Variants in UGT2A3 observed in about 807,000 individuals in gnomAD.
The protein encoded by UGT2A3 is UDP glucuronosyltransferase family 2 member A3.
Under a neutral mutation model 44.1 loss-of-function variants are expected in UGT2A3, and 55 were observed. The ratio of observed to expected loss-of-function variants is 1.25; its 90% CI spans 1.00 to 1.56. The LOEUF (loss-of-function observed/expected upper bound fraction) is 1.56. UGT2A3 is among the 40% of genes most tolerant of loss of function. The probability of loss-of-function intolerance (pLI) is 0.00; values close to 1 mark genes in which losing one functional copy is unlikely to be tolerated. For missense variants in UGT2A3, 733 were observed against 621.6 expected, an observed-to-expected ratio of 1.18 and a Z score of -1.91; for synonymous variants, 243 against 215.1, an observed-to-expected ratio of 1.13 and a Z score of -1.13.
Position 68,932,891 on chromosome 4 carries a change from C to G in UGT2A3, c.865-132G>C, listed in dbSNP as rs903093919. ...GTTATATTCTGTCCCTATATGCTGA[C>G]ACACAGAACTATCTAGTCTCTTTAA... is the stretch of plus-strand genomic sequence containing the variant. On this transcript the variant is annotated intron_variant, in intron 2 of 5. Transcript: ENST00000251566. 1.2e-5 allele frequency: 10 copies of G among 867,368 alleles called. No individual in the cohort carries two copies. The African/African-American group carries it at 1.5e-4, about 13-fold the overall frequency. 53.7% of individuals were successfully genotyped at this position (867,368 alleles called of 1,614,324 possible).
At chr4:68,940,834 G>C (rs1232549777) in intron 2 of UGT2A3, among the ~76,000 whole-genome samples, 1 of 148,586 alleles carries the variant, frequency 6.7e-6, no homozygotes, top group East Asian at 2.0e-4. Flanking sequence ...AAACAGTATG[G>C]CAGTGGCATG....
At chr4:68,940,721 G>A (rs1458242) in intron 2 of UGT2A3, among the ~76,000 whole-genome samples, 107,703 of 147,146 alleles carry the variant, frequency 0.73, 40,931 homozygotes, top group Non-Finnish European at 0.86. Flanking sequence ...TTAAAGTATT[G>A]TATATATATA....
rs1398430439 is a variant in UGT2A3, at chr4:68,945,442, G to A, written c.728C>T (p.Thr243Ile). Residue 243 changes from threonine to isoleucine, a missense_variant, in exon 2 of 6, where the codon ACA becomes ATA. Coordinates refer to ENST00000251566, the MANE Select transcript of UGT2A3 (RefSeq NM_024743.4). Reference protein sequence around the residue: ...FYSKALGRPTTLCETVGKAEI... With the variant: ...FYSKALGRPTILCETVGKAEI... ...AGCTTTTCCCACAGTCTCACATAATGTAGTGGGCCTTCCTCAATAAAAGAA... is the reference window on the plus strand; with the variant it reads ...AGCTTTTCCCACAGTCTCACATAATATAGTGGGCCTTCCTCAATAAAAGAA... 4 of 1,604,832 alleles carry A rather than the reference G, an allele frequency of 2.5e-6. No individual in the cohort carries two copies. The highest frequency in any genetic ancestry group is 1.1e-5 in the South Asian group (1 of 90,020).
chr4:68,928,908 C>T lies in UGT2A3; in HGVS notation c.*905G>A, dbSNP rs367894344. The T allele has an allele frequency of 2.0e-5, 3 of 152,090 alleles. No individual in the cohort carries two copies. The highest frequency in any genetic ancestry group is 6.6e-5 in the Admixed American group (1 of 15,254). The allele number at this position is 152,090 out of a possible 1,614,324, so 9.4% of individuals were successfully genotyped here. A position where few individuals can be genotyped will look rare whatever the true frequency, so the allele number is the denominator to read the frequency against. On this transcript the variant is annotated 3_prime_UTR_variant, in exon 6 of 6. Transcript: ENST00000251566. ...CTGATCTTACTTTCAGAACAAGCAT[C>T]TCTTTATTTTTCTACAGTAAATTAT...
Position 68,932,846 on chromosome 4 carries a change from T to G in UGT2A3, c.865-87A>C, listed in dbSNP as rs1241588147. Reference sequence around the variant, plus strand: ...TACTTACACTTCTAAAATAAATACTTGAGAAATTATTAATGTGTAGTTATA... The same window carrying G: ...TACTTACACTTCTAAAATAAATACTGGAGAAATTATTAATGTGTAGTTATA... On this transcript the variant is annotated intron_variant, in intron 2 of 5. Transcript: ENST00000251566. The G allele has an allele frequency of 2.4e-6, 3 of 1,271,416 alleles. No homozygotes were observed. The Admixed American group carries it at 7.2e-5, about 30-fold the overall frequency. 78.8% of individuals were successfully genotyped at this position (1,271,416 alleles called of 1,614,324 possible).
intron 2 of UGT2A3, among the ~76,000 whole-genome samples, chr4:68,936,142 G>C (rs932657409): frequency 6.6e-6 from 1 of 152,106 alleles, no homozygotes; most frequent in Non-Finnish European, 1.5e-5. Flanking sequence ...ACACTCTTCA[G>C]TATATTATCC....
chr4:68,943,167 T>A (rs60931562), intron 2 of UGT2A3: 77,183 of 388,736 alleles, frequency 0.2, 8,190 homozygotes, highest in East Asian at 0.35. Flanking sequence ...CTAACTTTTT[T>A]AAAAATATGA....
Position 68,929,877 on chromosome 4 carries a change from G to A in UGT2A3, c.1520C>T (p.Thr507Ile). The change falls in exon 6 of 6, where the codon ACA becomes ATA. Residue 507 changes from threonine to isoleucine, a missense_variant. Transcript: ENST00000251566. Reference sequence around the variant, plus strand: ...TTGACAGGAAAATAAAAAACATTTTGTGAACAAGAATATAGCAGTTGCCAC... The same window carrying A: ...TTGACAGGAAAATAAAAAACATTTTATGAACAAGAATATAGCAGTTGCCAC... Reference protein sequence around the residue: ...ACVATAIFLFTKCFLFSCQKF... With the variant: ...ACVATAIFLFIKCFLFSCQKF... 1.2e-6 allele frequency: 2 copies of A among 1,609,072 alleles called. No individual in the cohort carries two copies. Among genetic ancestry groups the A allele is most frequent in the Non-Finnish European group, 1.7e-6 (2 of 1,177,770 alleles).
Position 68,929,896 on chromosome 4 carries a change from T to C in UGT2A3, c.1501A>G (p.Thr501Ala). 1 of 1,613,190 alleles carries C rather than the reference T, an allele frequency of 6.2e-7. No homozygotes were observed. The highest frequency in any genetic ancestry group is 8.5e-7 in the Non-Finnish European group (1 of 1,179,400). The change falls in exon 6 of 6, where the codon ACT (threonine) becomes GCT (alanine). Residue 501 changes from threonine (T) to alanine (A), a missense_variant. Transcript: ENST00000251566. ...VIGFLLACVA[T>A]AIFLFTKCFL... ...CATTTTGTGAACAAGAATATAGCAG[T>C]TGCCACACAGGCCAGCAGGAACCCA...
intron 2 of UGT2A3, among the ~76,000 whole-genome samples, chr4:68,933,909 C>T (rs920502474): frequency 6.6e-6 from 1 of 151,950 alleles, no homozygotes; most frequent in East Asian, 1.9e-4. Context: ...CTCCTCAGAA[C>T]AGAAAGAATC....
intron 3 of UGT2A3, among the ~76,000 whole-genome samples, 167 bp from the exon 4 acceptor site, chr4:68,931,409 CA>C (rs1240983995): frequency 8.6e-5 from 13 of 151,882 alleles, no homozygotes; most frequent in Admixed American, 8.5e-4. Context: ...GGACGTTTTA[CA>C]AAGATCTTTT....
intron 1 of UGT2A3, among the ~76,000 whole-genome samples, chr4:68,946,400 C>T (rs144376922): frequency 1.7e-3 from 262 of 151,628 alleles, no homozygotes; most frequent in Non-Finnish European, 2.9e-3. Context: ...TAAATCCAAA[C>T]GCCTTGAATT....
chr4:68,942,339 C>CTCTCTCTCTA (rs1173763752), intron 2 of UGT2A3, among the ~76,000 whole-genome samples: 1 of 133,274 alleles, frequency 7.5e-6, no homozygotes, highest in African/African-American at 2.6e-5. Flanking sequence ...CTCTCTCTCT[C>CTCTCTCTCTA]TATATATATA....
intron 1 of UGT2A3, among the ~76,000 whole-genome samples, chr4:68,950,248 C>T (rs992978298): frequency 2.0e-5 from 3 of 151,812 alleles, no homozygotes; most frequent in African/African-American, 7.2e-5. Flanking sequence ...ATGTCTAAGG[C>T]TAAGGACATT....
chr4:68,935,270 A>ATGTGTG (rs370515026), intron 2 of UGT2A3, among the ~76,000 whole-genome samples: 4 of 90,658 alleles, frequency 4.4e-5, no homozygotes, highest in Non-Finnish European at 8.1e-5. Context: ...GTATGTATGT[A>ATGTGTG]TGTATGTATA....
Position 68,931,262 on chromosome 4 carries a change from A to G in UGT2A3, c.997-20T>C. On this transcript the variant is annotated intron_variant, in intron 3 of 5. Transcript: ENST00000251566. ...TAACACCTACGGAAGAAACACATGTATTTCACAGAGTGAACCACAGGATAT... is the reference window on the plus strand; with the variant it reads ...TAACACCTACGGAAGAAACACATGTGTTTCACAGAGTGAACCACAGGATAT... 1 of 1,587,278 alleles carries G rather than the reference A, an allele frequency of 6.3e-7. No individual in the cohort carries two copies. Among genetic ancestry groups the G allele is most frequent in the East Asian group, 2.2e-5 (1 of 44,634 alleles).
intron 2 of UGT2A3, among the ~76,000 whole-genome samples, chr4:68,941,782 CAATAAA>C (rs1297336427): frequency 3.3e-5 from 5 of 151,756 alleles, no homozygotes; most frequent in Non-Finnish European, 5.9e-5. Context: ...TCACATCAGT[CAATAAA>C]AATAAATTAC....
At chr4:68,947,555 C>T (rs1275320822) in intron 1 of UGT2A3, among the ~76,000 whole-genome samples, 2 of 151,774 alleles carry the variant, frequency 1.3e-5, no homozygotes, top group African/African-American at 4.8e-5. Context: ...AATATGTTGA[C>T]TTCCTCTCAT....
Position 68,939,336 on chromosome 4 carries a change from G to A in UGT2A3, c.864+5970C>T, listed in dbSNP as rs570678584. On this transcript the variant is annotated intron_variant, in intron 2 of 5. Coordinates refer to ENST00000251566, the MANE Select transcript of UGT2A3 (RefSeq NM_024743.4). ...GCAGTAACCAAAACAACATGGTACT[G>A]GTATCAAAACAGATATACAGACCAA... Among the ~76,000 whole-genome samples, 18 of 152,166 alleles carry A rather than the reference G, an allele frequency of 1.2e-4. No homozygotes were observed. In the South Asian group the frequency reaches 3.5e-3, roughly 30 times the overall value.
Sources: allele counts gnomAD v4.1 joint callset (sites outside exome capture counted in the v4.1 genomes callset), GRCh38; gene constraint gnomAD v4.1.1; transcripts MANE v1.5; gene names NCBI Gene and HGNC (gene_info 2026-07-23, HGNC 2026-07-21).